KCNIP4: variants seen among roughly 807,000 people sequenced by gnomAD.
KCNIP4 encodes the protein potassium voltage-gated channel interacting protein 4.
Under a neutral mutation model 34.0 loss-of-function variants are expected in KCNIP4, and 12 were observed. The observed-to-expected ratio is 0.35, with a 90% CI of 0.23 to 0.57. KCNIP4 has a LOEUF of 0.57. Among genes scored for constraint, KCNIP4 ranks in the 20% least tolerant of loss-of-function variants. The probability of loss-of-function intolerance (pLI) is 0.83; values close to 1 mark genes in which losing one functional copy is unlikely to be tolerated. For synonymous variants in KCNIP4, 124 were observed against 102.2 expected, an observed-to-expected ratio of 1.21 and a Z score of -1.29; for missense variants, 238 against 311.7, an observed-to-expected ratio of 0.76 and a Z score of 1.78.
intron 1 of KCNIP4, among the ~76,000 whole-genome samples, chr4:20,892,941 T>G (rs1726103022): frequency 1.3e-5 from 2 of 152,204 alleles, no homozygotes; most frequent in African/African-American, 4.8e-5. Context: ...TCTACAGGGC[T>G]ATCCTTTGTG....
chr4:21,019,475 G>A lies in KCNIP4; in HGVS notation c.62-136766C>T, dbSNP rs192719581. ...GCCCAGCCAATAACCTCATATTAAC[G>A]GAACTACCTCTTTAAAGACCCCATC... On this transcript the variant is annotated intron_variant, in intron 1 of 8. Transcript: ENST00000382152. 8.5e-5 allele frequency among the ~76,000 whole-genome samples: 13 copies of A among 152,074 alleles called. No individual in the cohort carries two copies. The East Asian group carries it at 1.9e-3, about 23-fold the overall frequency.
At position 21,533,471 on chromosome 4, in the gene KCNIP4, G is replaced by A. The variant is rs62301333; in HGVS notation, c.61+415100C>T. ...CAATAGCTTGTCTAGCCTGAAGACC[G>A]GATGAATTATTTTACCCCATTTTAG... On this transcript the variant is annotated intron_variant, in intron 1 of 8. Coordinates refer to ENST00000382152, the MANE Select transcript of KCNIP4 (RefSeq NM_025221.6). Among the ~76,000 whole-genome samples the A allele has an allele frequency of 1.7e-3, 262 of 152,108 alleles. 1 individual carries two copies. The highest frequency in any genetic ancestry group is 3.0e-3 in the Non-Finnish European group (204 of 67,974).
intron 1 of KCNIP4, among the ~76,000 whole-genome samples, chr4:21,643,058 T>C (rs1192638590): frequency 2.0e-5 from 3 of 152,174 alleles, no homozygotes; most frequent in African/African-American, 7.2e-5. Flanking sequence ...ATGTAAATGG[T>C]AATGAAATAA....
In KCNIP4 at chr4:21,394,986, T is replaced by A. The variant is rs142097454; in HGVS notation, c.62-512277A>T. Reference sequence around the variant, plus strand: ...TGGGCTCACAAAGACTAAGCCACAATCCTTATATTTAATAATTAAATAACA... The same window carrying A: ...TGGGCTCACAAAGACTAAGCCACAAACCTTATATTTAATAATTAAATAACA... On this transcript the variant is annotated intron_variant, in intron 1 of 8. Coordinates refer to ENST00000382152, the MANE Select transcript of KCNIP4 (RefSeq NM_025221.6). 1.9e-3 allele frequency among the ~76,000 whole-genome samples: 283 copies of A among 152,062 alleles called. 2 individuals are homozygous for A. The highest frequency in any genetic ancestry group is 2.9e-3 in the Non-Finnish European group (194 of 67,980).
At position 21,510,344 on chromosome 4, in the gene KCNIP4, T is replaced by C. The variant is rs187474801; in HGVS notation, c.61+438227A>G. Among the ~76,000 whole-genome samples, 3 of 152,204 alleles carry C rather than the reference T, an allele frequency of 2.0e-5. No homozygotes were observed. The East Asian group carries it at 5.8e-4, about 29-fold the overall frequency. On this transcript the variant is annotated intron_variant, in intron 1 of 8. Coordinates refer to ENST00000382152, the MANE Select transcript of KCNIP4 (RefSeq NM_025221.6). Reference sequence around the variant, plus strand: ...ATAAGCAAATACAGTTTTCATGTGGTTTAAAACAAGGACTTTATTGATCAA... The same window carrying C: ...ATAAGCAAATACAGTTTTCATGTGGCTTAAAACAAGGACTTTATTGATCAA...
intron 1 of KCNIP4, among the ~76,000 whole-genome samples, chr4:21,231,797 C>A (rs1758805836): frequency 6.6e-6 from 1 of 152,086 alleles, no homozygotes; most frequent in Non-Finnish European, 1.5e-5. Context: ...GAGAGGGCGG[C>A]AAGGAACTTG....
intron 3 of KCNIP4, among the ~76,000 whole-genome samples, chr4:20,766,602 T>C (rs995867421): frequency 2.0e-5 from 3 of 152,064 alleles, no homozygotes; most frequent in African/African-American, 7.2e-5. Flanking sequence ...AAAGCAACTT[T>C]AGAGACAATT....
At position 21,233,806 on chromosome 4, in the gene KCNIP4, G is replaced by GTATATAATATAATTATTATATAT. The variant is rs1178245192; in HGVS notation, c.62-351120_62-351098dup. Among the ~76,000 whole-genome samples the GTATATAATATAATTATTATATAT allele has an allele frequency of 2.5e-3, 353 of 143,304 alleles. 8 individuals are homozygous for GTATATAATATAATTATTATATAT. The East Asian group carries it at 0.036, about 15-fold the overall frequency. 94.0% of individuals were successfully genotyped at this position (143,304 alleles called of 152,430 possible). Reference sequence around the variant, plus strand: ...TTAAAACATTATTATATATAATATAGTATATAATATAATTATTATATATTA... The same window carrying GTATATAATATAATTATTATATAT: ...TTAAAACATTATTATATATAATATAGTATATAATATAATTATTATATATTATATAATATAATTATTATATATTA... On this transcript the variant is annotated intron_variant, in intron 1 of 8. Transcript: ENST00000382152.
chr4:21,327,978 T>C (rs1033592608), intron 1 of KCNIP4, among the ~76,000 whole-genome samples: 5 of 152,202 alleles, frequency 3.3e-5, no homozygotes, highest in African/African-American at 1.2e-4. Context: ...TTGAATTAAG[T>C]TGTGTTTCCT....
At chr4:20,972,612 C>T (rs1260607915) in intron 1 of KCNIP4, among the ~76,000 whole-genome samples, 1 of 152,140 alleles carries the variant, frequency 6.6e-6, no homozygotes, top group Non-Finnish European at 1.5e-5. Flanking sequence ...TTTGTTGTTC[C>T]ACTTACAGAG....
At chr4:20,776,612 A>G (rs950934236) in intron 3 of KCNIP4, among the ~76,000 whole-genome samples, 1 of 152,218 alleles carries the variant, frequency 6.6e-6, no homozygotes, top group African/African-American at 2.4e-5. Flanking sequence ...AATTCCAACA[A>G]CTAATATCTC....
chr4:21,891,356 T>C (rs530005680), intron 1 of KCNIP4, among the ~76,000 whole-genome samples: 1 of 152,228 alleles, frequency 6.6e-6, no homozygotes, highest in Admixed American at 6.6e-5. Context: ...TATTGCTTAG[T>C]ACATCAATGA....
At chr4:20,875,102 A>G (rs921408117) in intron 2 of KCNIP4, among the ~76,000 whole-genome samples, 16 of 141,566 alleles carry the variant, frequency 1.1e-4, no homozygotes, top group African/African-American at 4.2e-4. Flanking sequence ...AGAGAGAAGG[A>G]AAAAAAAAAA....
intron 1 of KCNIP4, among the ~76,000 whole-genome samples, chr4:21,359,097 G>A (rs1331245379): frequency 6.6e-6 from 1 of 151,970 alleles, no homozygotes; most frequent in Non-Finnish European, 1.5e-5. Flanking sequence ...TTAGATTTTG[G>A]GGTTTACAAT....
intron 1 of KCNIP4, among the ~76,000 whole-genome samples, chr4:21,596,951 A>G (rs1238770894): frequency 1.3e-5 from 2 of 152,148 alleles, no homozygotes; most frequent in African/African-American, 2.4e-5. Context: ...GTTACTTTCT[A>G]TCTGAAGCCT....
At chr4:21,587,270 C>T (rs943260147) in intron 1 of KCNIP4, among the ~76,000 whole-genome samples, 2 of 152,168 alleles carry the variant, frequency 1.3e-5, no homozygotes, top group Middle Eastern at 3.4e-3. Flanking sequence ...TATCCATTTT[C>T]TCATGTCAGA....
intron 1 of KCNIP4, among the ~76,000 whole-genome samples, chr4:21,141,670 A>ATT (rs1751962380): frequency 6.6e-6 from 1 of 152,194 alleles, no homozygotes; most frequent in African/African-American, 2.4e-5. Context: ...TAGGAAAAGT[A>ATT]TGACCCATCT....
chr4:20,790,802 A>G (rs889420182), intron 3 of KCNIP4, among the ~76,000 whole-genome samples: 1 of 152,204 alleles, frequency 6.6e-6, no homozygotes, highest in Non-Finnish European at 1.5e-5. Context: ...AATAGACAAC[A>G]TGTCAAATGA....
At position 21,519,509 on chromosome 4, in the gene KCNIP4, T is replaced by C. The variant is rs796794694; in HGVS notation, c.61+429062A>G. Among the ~76,000 whole-genome samples the C allele has an allele frequency of 5.6e-3, 198 of 35,418 alleles. 7 individuals carry two copies. Among genetic ancestry groups the C allele is most frequent in the Middle Eastern group, 0.014 (1 of 70 alleles). 23.2% of individuals were successfully genotyped at this position (35,418 alleles called of 152,430 possible). ...ACACATATGTGTGTATGTGTATGTGTATATACACATATGTGTGTATGTGTA... is the reference window on the plus strand; with the variant it reads ...ACACATATGTGTGTATGTGTATGTGCATATACACATATGTGTGTATGTGTA... On this transcript the variant is annotated intron_variant, in intron 1 of 8. Coordinates refer to ENST00000382152, the MANE Select transcript of KCNIP4 (RefSeq NM_025221.6).
Sources: gnomAD v4.1 joint callset for allele counts (sites outside exome capture counted in the v4.1 genomes callset) on GRCh38, gnomAD v4.1.1 for gene constraint, MANE v1.5 for transcripts, NCBI Gene and HGNC (gene_info 2026-07-23, HGNC 2026-07-21) for gene names.